RNF213: variants seen among roughly 807,000 people sequenced by gnomAD.
RNF213 encodes the protein ring finger protein 213, also known as E3 ubiquitin-protein ligase RNF213.
In RNF213, 341 loss-of-function variants were observed where a neutral mutation model predicts 514.4. The observed-to-expected ratio is 0.66, with a 90% confidence interval of 0.61 to 0.73. The LOEUF (loss-of-function observed/expected upper bound fraction) is 0.73, where lower values mean the gene tolerates loss of function less well. Ranked by LOEUF, RNF213 falls within the 30% of genes least tolerant of loss-of-function variation. The pLI is 0.00. For synonymous variants in RNF213, 2,655 were observed against 2,658.2 expected, an observed-to-expected ratio of 1.00 and a Z score of 0.04; for missense variants, 5,767 against 6,615.6, an observed-to-expected ratio of 0.87 and a Z score of 4.45.
intron 1 of RNF213, among the ~76,000 whole-genome samples, chr17:80,262,359 G>T (rs1366358445): frequency 1.3e-5 from 2 of 152,208 alleles, no homozygotes; most frequent in Non-Finnish European, 2.9e-5. Context: ...TCAAAGAGAA[G>T]ACTGCAGAAG....
chr17:80,381,327 A>G (rs2079992253), intron 56 of RNF213: 5 of 624,968 alleles, frequency 8.0e-6, no homozygotes, highest in Admixed American at 2.4e-5. Flanking sequence ...GATGGCCAAC[A>G]GTACAATCTG....
intron 63 of RNF213, among the ~76,000 whole-genome samples, 190 bp downstream of exon 63, chr17:80,387,081 C>G (rs1271335825): frequency 2.0e-5 from 3 of 152,258 alleles, no homozygotes; most frequent in Non-Finnish European, 4.4e-5. Flanking sequence ...CTCCTGAGCC[C>G]TCTCCTGCAG....
In RNF213 at chr17:80,343,212, C is replaced by A; in HGVS notation, c.6070C>A (p.Arg2024=). ...NVKNVPLKTI[R]LIDPQVDESR... ...GAAAAATGTGCCTCTGAAAACAATTCGACTGATCGACCCTCAGGTGGATGA... is the reference window on the plus strand; with the variant it reads ...GAAAAATGTGCCTCTGAAAACAATTAGACTGATCGACCCTCAGGTGGATGA... Residue 2024 remains arginine, a synonymous_variant, in exon 27 of 68, where the codon CGA becomes AGA. Transcript: ENST00000582970. This position sits in a 1 kb window ranked among gnomAD's most constrained non-coding sequence, Gnocchi z 4.3. 6.2e-7 allele frequency: 1 copy of A among 1,613,998 alleles called. No homozygotes were observed. The highest frequency in any genetic ancestry group is 1.1e-5 in the South Asian group (1 of 91,070).
chr17:80,334,334 G>A, intron 22 of RNF213, 64 bp downstream of exon 22: 5 of 1,474,744 alleles, frequency 3.4e-6, no homozygotes, highest in Non-Finnish European at 2.7e-6. Context: ...GCACTGTGTG[G>A]CGTTCCTAAA....
chr17:80,303,962 A>G (rs1598964375), intron 11 of RNF213, among the ~76,000 whole-genome samples: 1 of 149,830 alleles, frequency 6.7e-6, no homozygotes, highest in Non-Finnish European at 1.5e-5. Flanking sequence ...AGAAGAGGCC[A>G]CTAGATGATC....
At chr17:80,325,341 GA>G (rs1463157698) in intron 18 of RNF213, 143 bp downstream of exon 18, 2 of 808,128 alleles carry the variant, frequency 2.5e-6, no homozygotes, top group Non-Finnish European at 3.8e-6. Context: ...TTTGGACAGA[GA>G]GACCCTGGAA....
Position 80,339,885 on chromosome 17 carries a change from G to C in RNF213, c.5518G>C (p.Val1840Leu), listed in dbSNP as rs1363344659. 6.5e-7 allele frequency: 1 copy of C among 1,537,036 alleles called. No individual in the cohort carries two copies. The highest frequency in any genetic ancestry group is 8.7e-7 in the Non-Finnish European group (1 of 1,146,896). ...PNLVVCGHSE[V>L]LPAALAVYMQ... is the part of the protein sequence containing the mutation. ...CCTCGTCGTCTGTGGCCACTCCGAG[G>C]TGTTGCCAGCCGCCCTGGCTGTCTA... The change falls in exon 26 of 68, where the codon GTG (valine) becomes CTG (leucine). Residue 1840 changes from valine to leucine, a missense_variant. By Grantham distance (32) the Val-to-Leu change is conservative (BLOSUM62 1). Coordinates refer to ENST00000582970, the MANE Select transcript of RNF213 (RefSeq NM_001256071.3).
chr17:80,345,702 C>T lies in RNF213; in HGVS notation c.7367C>T (p.Thr2456Ile), dbSNP rs762749876. Residue 2456 changes from threonine (T) to isoleucine (I), a missense_variant, in exon 29 of 68, where the codon ACT becomes ATT. By Grantham distance (89) the Thr-to-Ile change is moderately conservative. This residue lies in a region of RNF213 where 1,377 missense variants were observed against 1,635.2 expected (regional missense o/e 0.84). Coordinates refer to ENST00000582970, the MANE Select transcript of RNF213 (RefSeq NM_001256071.3). This position sits in a 1 kb window ranked among gnomAD's most constrained non-coding sequence, Gnocchi z 6.0. ...IKLVKVHGGT[T>I]ADMIYSRVRE... ...CTGGTCAAGGTGCACGGAGGAACAA[C>T]TGCAGACATGATCTACTCCAGAGTC... 33 of 1,614,108 alleles carry T rather than the reference C, an allele frequency of 2.0e-5. No individual in the cohort carries two copies. Among genetic ancestry groups the T allele is most frequent in the Non-Finnish European group, 2.6e-5 (31 of 1,180,046 alleles).
At position 80,343,776 on chromosome 17, in the gene RNF213, C is replaced by A. The variant is rs1645874755; in HGVS notation, c.6184-81C>A. 3 of 1,451,990 alleles carry A rather than the reference C, an allele frequency of 2.1e-6. No individual in the cohort carries two copies. Among genetic ancestry groups the A allele is most frequent in the African/African-American group, 2.8e-5 (2 of 71,562 alleles). The allele number at this position is 1,451,990 out of a possible 1,614,324, so 89.9% of individuals were successfully genotyped here. On this transcript the variant is annotated intron_variant, in intron 27 of 67. Coordinates refer to ENST00000582970, the MANE Select transcript of RNF213 (RefSeq NM_001256071.3). This position sits in a 1 kb window ranked among gnomAD's most constrained non-coding sequence, Gnocchi z 4.3. The stretch of plus-strand genomic sequence containing the variant: ...TCATCAGGATCATCGTGACAAAGAG[C>A]AAAATAAGGAGGGGTTACTTAGAGT...
At chr17:80,303,516 G>A (rs2045250685) in intron 11 of RNF213, among the ~76,000 whole-genome samples, 2 of 151,756 alleles carry the variant, frequency 1.3e-5, no homozygotes, top group African/African-American at 4.8e-5. Context: ...TTTAGAAGGC[G>A]TAAAAGCCTT....
chr17:80,296,931 G>A (rs868805356), intron 10 of RNF213, among the ~76,000 whole-genome samples: 2 of 150,944 alleles, frequency 1.3e-5, no homozygotes, highest in African/African-American at 2.4e-5. Context: ...CGCCTGCCTC[G>A]ACCTCCCAAA....
At chr17:80,354,307 A>C in intron 35 of RNF213, 134 bp from the exon 36 acceptor site, 1 of 1,510,880 alleles carries the variant, frequency 6.6e-7, no homozygotes, top group Non-Finnish European at 9.1e-7. Context: ...GGAATCTAAG[A>C]GCATCTCTCA....
rs999970166 is a variant in RNF213, at chr17:80,263,835, C to T, written c.97+57C>T. On this transcript the variant is annotated intron_variant, in intron 2 of 67. Coordinates refer to ENST00000582970, the MANE Select transcript of RNF213 (RefSeq NM_001256071.3). This position sits in a 1 kb window ranked among gnomAD's most constrained non-coding sequence, Gnocchi z 4.9. Reference sequence around the variant, plus strand: ...GCAGTGGGGACCCCTGGAGATGTCTCACCTCCCTTCCAGGAAATGGAAACC... The same window carrying T: ...GCAGTGGGGACCCCTGGAGATGTCTTACCTCCCTTCCAGGAAATGGAAACC... 2.8e-6 allele frequency: 4 copies of T among 1,443,922 alleles called. No individual in the cohort carries two copies. Among genetic ancestry groups the T allele is most frequent in the African/African-American group, 2.8e-5 (2 of 71,470 alleles). The allele number at this position is 1,443,922 out of a possible 1,614,324, so 89.4% of individuals were successfully genotyped here. A position where few individuals can be genotyped will look rare whatever the true frequency, so the allele number is the denominator to read the frequency against.
At chr17:80,261,006 G>A (rs1281131161) in intron 1 of RNF213, 104 bp downstream of exon 1, 1 of 151,900 alleles carries the variant, frequency 6.6e-6, no homozygotes, top group African/African-American at 2.4e-5. Flanking sequence ...CCTGCGTCCG[G>A]ATGCCCCTCC....
At chr17:80,330,223 A>G (rs2046376345) in intron 20 of RNF213, among the ~76,000 whole-genome samples, 1 of 151,670 alleles carries the variant, frequency 6.6e-6, no homozygotes, top group Non-Finnish European at 1.5e-5. Context: ...TTTGTTTTGG[A>G]GGTTTTGCTT....
chr17:80,274,121 C>T (rs2043930728), intron 3 of RNF213, among the ~76,000 whole-genome samples: 1 of 152,076 alleles, frequency 6.6e-6, no homozygotes, highest in Non-Finnish European at 1.5e-5. Context: ...TCTTGCGCTT[C>T]TGTAGGCCTC....
chr17:80,291,502 C>G, intron 7 of RNF213, 126 bp from the exon 8 acceptor site: 1 of 935,294 alleles, frequency 1.1e-6, no homozygotes, highest in East Asian at 2.4e-5. Context: ...GGATTTCAGG[C>G]ATGGGCCACT....
At chr17:80,355,291 G>C in intron 36 of RNF213, 1 of 446,872 alleles carries the variant, frequency 2.2e-6, no homozygotes, top group Non-Finnish European at 4.5e-6. Flanking sequence ...GGTGTGATCT[G>C]CAGGAGGGAA....
rs2078213124 is a variant in RNF213 at position 80,343,259 on chromosome 17, G to A, written c.6117G>A (p.Leu2039=). The stretch of plus-strand genomic sequence containing the variant: ...ATGAGAGCCGAGTCCTGGGCGCCCT[G>A]CTGCCCTTCCTGGATGCGCAGTATC... The part of the protein sequence containing the change: ...QVDESRVLGA[L]LPFLDAQYQK... The change falls in exon 27 of 68, where the codon CTG becomes CTA. Residue 2039 remains leucine (L), a synonymous_variant. Coordinates refer to ENST00000582970, the MANE Select transcript of RNF213 (RefSeq NM_001256071.3). This position sits in a 1 kb window ranked among gnomAD's most constrained non-coding sequence, Gnocchi z 4.3. 6.2e-7 allele frequency: 1 copy of A among 1,613,782 alleles called. No homozygotes were observed. Among genetic ancestry groups the A allele is most frequent in the African/African-American group, 1.3e-5 (1 of 74,910 alleles).
Sources: gnomAD v4.1 joint callset for allele counts (sites outside exome capture counted in the v4.1 genomes callset) on GRCh38, gnomAD v4.1.1 for gene constraint, gnomAD v4.1.1 regional missense constraint, Gnocchi (gnomAD v3.1) non-coding constraint, MANE v1.5 for transcripts, NCBI Gene and HGNC (gene_info 2026-07-23, HGNC 2026-07-21) for gene names.